RBKS: variants seen among roughly 807,000 people sequenced by gnomAD.
RBKS encodes ribokinase.
A neutral mutation model predicts 33.9 loss-of-function variants in RBKS; 33 were observed. That is an observed-to-expected ratio of 0.97 (90% CI 0.74 to 1.30). The LOEUF (loss-of-function observed/expected upper bound fraction) is 1.30. Ranked by LOEUF, RBKS falls within the 50% of genes most tolerant of loss-of-function variation. The pLI, the probability that RBKS is intolerant of heterozygous loss-of-function variation, is 0.00. For synonymous variants in RBKS, 125 were observed against 143.0 expected (o/e 0.87, Z 0.90); for missense variants, 361 against 392.6 (o/e 0.92, Z 0.68).
chr2:27,883,477 G>A (rs1000612672), intron 1 of RBKS, among the ~76,000 whole-genome samples: 6 of 152,104 alleles, frequency 3.9e-5, no homozygotes, highest in African/African-American at 7.2e-5. Context: ...GGGATTACAG[G>A]CGTGAGACAC....
rs926632894 is a variant in RBKS at position 27,814,922 on chromosome 2, A to C, written c.795+12645T>G. ...GCTGAACTCTGTCCCACTGCAGTACATTCTGTTCACACACACACGTACACA... is the reference window on the plus strand; with the variant it reads ...GCTGAACTCTGTCCCACTGCAGTACCTTCTGTTCACACACACACGTACACA... On this transcript the variant is annotated intron_variant, in intron 7 of 7. Transcript: ENST00000302188. Among the ~76,000 whole-genome samples the C allele has an allele frequency of 2.0e-5, 3 of 152,236 alleles. No homozygotes were observed. The South Asian group carries it at 6.2e-4, about 32-fold the overall frequency.
chr2:27,879,590 C>T (rs752264707), intron 1 of RBKS, among the ~76,000 whole-genome samples: 1 of 152,078 alleles, frequency 6.6e-6, no homozygotes, highest in Non-Finnish European at 1.5e-5. Flanking sequence ...TTGGACTCTC[C>T]ATTGTGGAGA....
At chr2:27,847,897 A>G in intron 3 of RBKS, 137 bp downstream of exon 3, 1 of 632,944 alleles carries the variant, frequency 1.6e-6, no homozygotes, top group Non-Finnish European at 2.8e-6. Flanking sequence ...TTAAGCAAGA[A>G]TGGACAAAGC....
chr2:27,821,827 C>T (rs1460879826), intron 7 of RBKS, among the ~76,000 whole-genome samples: 1 of 152,112 alleles, frequency 6.6e-6, no homozygotes, highest in Non-Finnish European at 1.5e-5. Flanking sequence ...TCAAAATTAG[C>T]CTTATTACTT....
intron 1 of RBKS, chr2:27,870,946 C>A: frequency 2.2e-6 from 1 of 455,830 alleles, no homozygotes; most frequent in South Asian, 1.6e-5. Context: ...TCGGTAGACT[C>A]ATCAACCTGG....
At chr2:27,791,670 C>A (rs1242597666) in intron 7 of RBKS, among the ~76,000 whole-genome samples, 3 of 151,018 alleles carry the variant, frequency 2.0e-5, no homozygotes, top group East Asian at 1.9e-4. Flanking sequence ...TATACATATA[C>A]ATATACATAT....
At chr2:27,847,002 CTG>C in intron 4 of RBKS, 38 bp downstream of exon 4, 7 of 1,374,706 alleles carry the variant, frequency 5.1e-6, no homozygotes, top group Non-Finnish European at 7.3e-6. Flanking sequence ...TGGAAATACA[CTG>C]TCTTATGAAA....
chr2:27,801,778 A>T (rs1412468965), intron 7 of RBKS, among the ~76,000 whole-genome samples: 1 of 151,222 alleles, frequency 6.6e-6, no homozygotes, highest in African/African-American at 2.4e-5. Flanking sequence ...TGGAGGACGA[A>T]GCAGGAGCAG....
At chr2:27,868,587 A>G (rs896208265) in intron 1 of RBKS, among the ~76,000 whole-genome samples, 9 of 152,232 alleles carry the variant, frequency 5.9e-5, no homozygotes, top group African/African-American at 2.2e-4. Flanking sequence ...TAAGAGCATA[A>G]GAAACAATAA....
In RBKS at chr2:27,878,173, C is replaced by T. The variant is rs1236005951; in HGVS notation, c.89+12084G>A. Reference sequence around the variant, plus strand: ...ATTAGGTATATCTCCTAATGCTATCCCTCCCCCCTGCCCCCACCCCACAAC... The same window carrying T: ...ATTAGGTATATCTCCTAATGCTATCTCTCCCCCCTGCCCCCACCCCACAAC... On this transcript the variant is annotated intron_variant, in intron 1 of 7. Transcript: ENST00000302188. 7.3e-5 allele frequency among the ~76,000 whole-genome samples: 11 copies of T among 151,466 alleles called. No individual in the cohort carries two copies. In the East Asian group the frequency reaches 2.1e-3, roughly 29 times the overall value.
chr2:27,815,209 T>C (rs936815563), intron 7 of RBKS, among the ~76,000 whole-genome samples: 1 of 151,988 alleles, frequency 6.6e-6, no homozygotes, highest in African/African-American at 2.4e-5. Context: ...AGGTGGTTTT[T>C]TTTCCCCCCT....
Position 27,781,635 on chromosome 2 carries a change from G to C in RBKS, c.949C>G (p.Leu317Val), listed in dbSNP as rs1215452245. ...TQSSYPYKKD[L>V]PLTLF ...AGCAATCAAAACAGAGTAAGCGGAA[G>C]GTCTTTTTTGTAAGGGTAAGATGAC... Residue 317 changes from leucine (L) to valine (V), a missense_variant, in exon 8 of 8, where the codon CTT (leucine) becomes GTT (valine). Transcript: ENST00000302188. 6.2e-7 allele frequency: 1 copy of C among 1,611,726 alleles called. No homozygotes were observed. The highest frequency in any genetic ancestry group is 8.5e-7 in the Non-Finnish European group (1 of 1,179,134).
chr2:27,804,901 C>T (rs1432388495), intron 7 of RBKS, among the ~76,000 whole-genome samples: 1 of 151,962 alleles, frequency 6.6e-6, no homozygotes, highest in Non-Finnish European at 1.5e-5. Context: ...GTGGTGCACA[C>T]CTGTGGTCCC....
chr2:27,812,642 G>A (rs1228413573), intron 7 of RBKS, among the ~76,000 whole-genome samples: 12 of 152,282 alleles, frequency 7.9e-5, no homozygotes, highest in African/African-American at 2.4e-4. Flanking sequence ...TCATTCATAG[G>A]TGGGAATTGA....
intron 7 of RBKS, chr2:27,809,935 C>T: frequency 7.7e-7 from 1 of 1,303,408 alleles, no homozygotes; most frequent in Non-Finnish European, 1.0e-6. Flanking sequence ...AGCTGTTAGG[C>T]CACAAAATCA....
intron 1 of RBKS, among the ~76,000 whole-genome samples, chr2:27,882,995 G>C (rs1664448008): frequency 6.6e-6 from 1 of 151,646 alleles, no homozygotes; most frequent in Admixed American, 6.6e-5. Flanking sequence ...TTAATACCTG[G>C]GTGACAAAAA....
At chr2:27,803,787 C>T (rs1677844740) in intron 7 of RBKS, among the ~76,000 whole-genome samples, 1 of 152,078 alleles carries the variant, frequency 6.6e-6, no homozygotes. Context: ...TGACTCACGC[C>T]TGTAATCCCA....
intron 7 of RBKS, among the ~76,000 whole-genome samples, chr2:27,788,213 T>G (rs1371362263): frequency 6.6e-6 from 1 of 152,126 alleles, no homozygotes; most frequent in Non-Finnish European, 1.5e-5. Context: ...TACTCAACAT[T>G]GTACTGGATT....
chr2:27,871,503 G>A (rs535532773), intron 1 of RBKS, among the ~76,000 whole-genome samples: 51 of 152,206 alleles, frequency 3.4e-4, no homozygotes, highest in African/African-American at 1.0e-3. Context: ...TCATCATTGG[G>A]TCTTTCCCCC....
Sources: gnomAD v4.1 joint callset for allele counts (sites outside exome capture counted in the v4.1 genomes callset) on GRCh38, gnomAD v4.1.1 for gene constraint, MANE v1.5 for transcripts, NCBI Gene and HGNC (gene_info 2026-07-23, HGNC 2026-07-21) for gene names.